Variants in MGAT5 observed in about 807,000 individuals in gnomAD.
The protein encoded by MGAT5 is alpha-1,6-mannosylglycoprotein 6-beta-N-acetylglucosaminyltransferase A.
In MGAT5, 30 loss-of-function variants were observed where a neutral mutation model predicts 94.3. The observed-to-expected ratio is 0.32, with a 90% CI of 0.24 to 0.43. The LOEUF is 0.43. MGAT5 is among the 20% of genes least tolerant of loss of function. The pLI, the probability that MGAT5 is intolerant of heterozygous loss-of-function variation, is 1.00. For synonymous variants in MGAT5, 310 were observed against 322.9 expected (o/e 0.96, Z 0.43); for missense variants, 691 against 905.5 (o/e 0.76, Z 3.04).
At chr2:134,220,916 C>T (rs1680730707) in intron 1 of MGAT5, among the ~76,000 whole-genome samples, 1 of 152,194 alleles carries the variant, frequency 6.6e-6, no homozygotes, top group African/African-American at 2.4e-5. Context: ...GTACTCCACG[C>T]TGTCAGCAGT....
At chr2:134,312,042 G>A (rs1686705522) in intron 2 of MGAT5, among the ~76,000 whole-genome samples, 1 of 152,130 alleles carries the variant, frequency 6.6e-6, no homozygotes, top group South Asian at 2.1e-4. Flanking sequence ...TTGAGGCCAG[G>A]AGTTCGAGAC....
chr2:134,335,891 CT>C (rs1321334556), intron 4 of MGAT5, among the ~76,000 whole-genome samples: 2 of 152,148 alleles, frequency 1.3e-5, no homozygotes, highest in Non-Finnish European at 2.9e-5. Context: ...ATGTTTCAGT[CT>C]TTTAACTTTC....
At position 134,449,248 on chromosome 2, in the gene MGAT5, TGGGAGGGAGGGGACCGC is replaced by T. The variant is rs1045520399; in HGVS notation, c.*411_*427del. 9.8e-4 allele frequency: 31 copies of T among 31,474 alleles called. No homozygotes were observed. Among genetic ancestry groups the T allele is most frequent in the Admixed American group, 3.9e-3 (12 of 3,090 alleles). The allele number at this position is 31,474 out of a possible 1,614,324, so 1.9% of individuals were successfully genotyped here. ...AAACCCATTAACTTATTTATTCGGG[TGGGAGGGAGGGGACCGC>T]GGGAGGGAGAGGAGGGATTGATCAC... is the stretch of plus-strand genomic sequence containing the variant. On this transcript the variant is annotated 3_prime_UTR_variant, in exon 16 of 16. Coordinates refer to ENST00000281923, the MANE Select transcript of MGAT5 (RefSeq NM_002410.5).
At chr2:134,166,348 G>A (rs1260405634) in intron 1 of MGAT5, among the ~76,000 whole-genome samples, 1 of 152,186 alleles carries the variant, frequency 6.6e-6, no homozygotes, top group Non-Finnish European at 1.5e-5. Flanking sequence ...TCAGAATTCT[G>A]ACTTTTATTC....
At chr2:134,243,692 T>C (rs1257640810) in intron 1 of MGAT5, among the ~76,000 whole-genome samples, 1 of 152,208 alleles carries the variant, frequency 6.6e-6, no homozygotes, top group Non-Finnish European at 1.5e-5. Context: ...AGATTGTGCA[T>C]GTGTGTGCAC....
chr2:134,179,713 A>G (rs563911813), intron 1 of MGAT5, among the ~76,000 whole-genome samples: 32 of 152,250 alleles, frequency 2.1e-4, no homozygotes, highest in African/African-American at 2.2e-4. Context: ...ATGCTCTTTT[A>G]CACTTCTGAA....
At chr2:134,228,532 G>T (rs76404226) in intron 1 of MGAT5, among the ~76,000 whole-genome samples, 1,687 of 152,124 alleles carry the variant, frequency 0.011, 22 homozygotes, top group African/African-American at 0.037. Context: ...CCTTTTTCTT[G>T]CTCTGTGAAA....
At chr2:134,276,499 ATAAGT>A (rs1253942264) in intron 2 of MGAT5, among the ~76,000 whole-genome samples, 1 of 152,230 alleles carries the variant, frequency 6.6e-6, no homozygotes, top group Admixed American at 6.5e-5. Context: ...AGTAAATTAA[ATAAGT>A]TAAAGAAAAC....
At chr2:134,297,196 CAAAAA>C (rs143685303) in intron 2 of MGAT5, among the ~76,000 whole-genome samples, 1 of 100,474 alleles carries the variant, frequency 1.0e-5, no homozygotes, top group Admixed American at 1.1e-4. Context: ...GACCTGGTCT[CAAAAA>C]AAAAAAAAAA....
intron 10 of MGAT5, among the ~76,000 whole-genome samples, chr2:134,373,236 T>C (rs1680933187): frequency 6.6e-6 from 1 of 152,156 alleles, no homozygotes; most frequent in Non-Finnish European, 1.5e-5. Context: ...CTGTTCTCCA[T>C]GGACAAGGAG....
At position 134,187,244 on chromosome 2, in the gene MGAT5, A is replaced by G. The variant is rs555574848; in HGVS notation, c.-143+66953A>G. On this transcript the variant is annotated intron_variant, in intron 1 of 16. Coordinates refer to the MGAT5 transcript ENST00000409645. ...TTGAGCAGGAGGAGGTCCTGAGTTG[A>G]TTGGATTTGTTTTTACAAGGATCAT... is the stretch of plus-strand genomic sequence containing the variant. Among the ~76,000 whole-genome samples the G allele has an allele frequency of 4.6e-5, 7 of 152,212 alleles. No individual in the cohort carries two copies. In the South Asian group the frequency reaches 1.5e-3, roughly 32 times the overall value.
chr2:134,200,535 C>T (rs1427999946), intron 1 of MGAT5, among the ~76,000 whole-genome samples: 2 of 152,234 alleles, frequency 1.3e-5, no homozygotes, highest in African/African-American at 4.8e-5. Flanking sequence ...ATCAGAGAAA[C>T]CCTATTTGGT....
intron 10 of MGAT5, among the ~76,000 whole-genome samples, chr2:134,388,690 G>T (rs897649496): frequency 1.4e-5 from 2 of 141,696 alleles, no homozygotes; most frequent in African/African-American, 5.3e-5. Context: ...GCATACCTGT[G>T]GTCTTCCTCC....
rs543776078 is a variant in MGAT5 at position 134,276,802 on chromosome 2, G to A, written c.406+6252G>A. 3.9e-5 allele frequency among the ~76,000 whole-genome samples: 6 copies of A among 152,288 alleles called. No individual in the cohort carries two copies. In the South Asian group the frequency reaches 1.2e-3, roughly 32 times the overall value. On this transcript the variant is annotated intron_variant, in intron 2 of 15. Coordinates refer to ENST00000281923, the MANE Select transcript of MGAT5 (RefSeq NM_002410.5). ...GAGACTGCATTTAATCTTCAGTTAG[G>A]AGGAGAATGCCCTGGGTTAGAGATG... is the stretch of plus-strand genomic sequence containing the variant.
At chr2:134,252,289 A>G (rs557464212), upstream of MGAT5, among the ~76,000 whole-genome samples, 5 of 152,322 alleles carry the variant, frequency 3.3e-5, no homozygotes, top group East Asian at 7.7e-4. Flanking sequence ...GAAGCCTCTC[A>G]GGAAGCATGT....
chr2:134,191,045 G>A (rs1251197376), intron 1 of MGAT5, among the ~76,000 whole-genome samples: 1 of 152,106 alleles, frequency 6.6e-6, no homozygotes, highest in East Asian at 1.9e-4. Flanking sequence ...GCTTTGGAAC[G>A]TTTCATGTTC....
At chr2:134,255,536 T>C (rs556598281) in intron 1 of MGAT5, among the ~76,000 whole-genome samples, 37 of 151,542 alleles carry the variant, frequency 2.4e-4, no homozygotes, top group Non-Finnish European at 3.4e-4. Flanking sequence ...CATATATATA[T>C]ACATACACAT....
chr2:134,251,369 G>A (rs971802654), upstream of MGAT5, among the ~76,000 whole-genome samples: 2 of 152,228 alleles, frequency 1.3e-5, no homozygotes, highest in African/African-American at 4.8e-5. Context: ...CGGAGTGGAG[G>A]AAGGAAAGAG....
chr2:134,358,527 G>C (rs1314874234), intron 9 of MGAT5, among the ~76,000 whole-genome samples: 1 of 152,176 alleles, frequency 6.6e-6, no homozygotes, highest in African/African-American at 2.4e-5. Context: ...TGAGTTGATG[G>C]ATTTTTGAGA....
Sources: allele counts gnomAD v4.1 joint callset (sites outside exome capture counted in the v4.1 genomes callset), GRCh38; gene constraint gnomAD v4.1.1; transcripts MANE v1.5; gene names NCBI Gene and HGNC (gene_info 2026-07-23, HGNC 2026-07-21).